The following ABCC4 variants were observed in gnomAD, a reference collection of about 807,000 sequenced individuals.
ABCC4 encodes ATP binding cassette subfamily C member 4 (PEL blood group).
Under a neutral mutation model 168.5 loss-of-function variants are expected in ABCC4, and 102 were observed. That is an observed-to-expected ratio of 0.61 (90% CI 0.52 to 0.71). The LOEUF is 0.71. Among genes scored for constraint, ABCC4 ranks in the 30% least tolerant of loss-of-function variants. The pLI is 0.00. For synonymous variants in ABCC4, 617 were observed against 590.7 expected (o/e 1.04, Z -0.65); for missense variants, 1,402 against 1,605.8 (o/e 0.87, Z 2.17).
chr13:95,112,027 A>C (rs1448262371), intron 20 of ABCC4, among the ~76,000 whole-genome samples: 1 of 152,168 alleles, frequency 6.6e-6, no homozygotes, highest in Non-Finnish European at 1.5e-5. Flanking sequence ...TCATACAGAA[A>C]ACGTAATCAA....
intron 26 of ABCC4, among the ~76,000 whole-genome samples, chr13:95,062,045 C>A (rs1202233963): frequency 2.6e-5 from 4 of 152,132 alleles, no homozygotes; most frequent in Non-Finnish European, 5.9e-5. Flanking sequence ...TAACCCTCCA[C>A]CATCAGAGCA....
At position 95,209,495 on chromosome 13, in the gene ABCC4, C is replaced by T. The variant is rs753239834; in HGVS notation, c.724G>A (p.Ala242Thr). 4 of 1,614,210 alleles carry T rather than the reference C, an allele frequency of 2.5e-6. No homozygotes were observed. In the East Asian group the frequency reaches 8.9e-5, roughly 36 times the overall value. ...AAGGGCAGGAGAATGATTAGAACTG[C>T]CATCCCAGCAAGGCACGATATTCCT... ...EIGISCLAGM[A>T]VLIILLPLQS... The change falls in exon 6 of 31, where the codon GCA (alanine) becomes ACA (threonine). Residue 242 changes from alanine (A) to threonine (T), a missense_variant. Around this residue, in one of 3 missense-constraint regions of ABCC4, gnomAD observed 317 missense variants for 345.5 expected, o/e 0.92. Transcript: ENST00000645237.
chr13:95,038,588 G>T (rs2032225946), intron 29 of ABCC4, among the ~76,000 whole-genome samples: 1 of 152,068 alleles, frequency 6.6e-6, no homozygotes, highest in Non-Finnish European at 1.5e-5. Flanking sequence ...AGGGGTGGGA[G>T]GACCGTGGTC....
intron 19 of ABCC4, among the ~76,000 whole-genome samples, chr13:95,134,858 C>T (rs1024036480): frequency 1.3e-5 from 2 of 152,008 alleles, no homozygotes; most frequent in Admixed American, 6.6e-5. Flanking sequence ...CACCAAGCAG[C>T]GATGACACCC....
At chr13:95,096,204 T>G (rs1594086948) in intron 20 of ABCC4, 3 of 629,460 alleles carry the variant, frequency 4.8e-6, no homozygotes, top group East Asian at 3.0e-5. Flanking sequence ...AAAAAACATA[T>G]TCAATGGGCT....
chr13:95,096,689 C>T (rs933218615), intron 20 of ABCC4, among the ~76,000 whole-genome samples: 21 of 151,994 alleles, frequency 1.4e-4, no homozygotes, highest in Admixed American at 6.6e-5. Flanking sequence ...AGAAAACTGT[C>T]AACCTAGAAT....
chr13:95,021,811 A>G (rs928182912), intron 30 of ABCC4, 129 bp from the exon 31 acceptor site: 16 of 670,676 alleles, frequency 2.4e-5, no homozygotes, highest in African/African-American at 9.1e-5. Flanking sequence ...GCACAATTTA[A>G]GAACAGGGAT....
chr13:95,085,085 A>G (rs1159915177), intron 20 of ABCC4, among the ~76,000 whole-genome samples: 2 of 152,226 alleles, frequency 1.3e-5, no homozygotes, highest in Admixed American at 1.3e-4. Context: ...TGAGGCCTCC[A>G]AAGTTCACTG....
intron 4 of ABCC4, among the ~76,000 whole-genome samples, chr13:95,233,742 T>C (rs1482164824): frequency 1.3e-5 from 2 of 152,216 alleles, no homozygotes; most frequent in African/African-American, 4.8e-5. Context: ...TGCCACTTTA[T>C]ATCAAGGACT....
intron 1 of ABCC4, among the ~76,000 whole-genome samples, chr13:95,270,139 T>C (rs7338478): frequency 0.012 from 1,892 of 152,216 alleles, 33 homozygotes; most frequent in African/African-American, 0.042. Context: ...TTGATAGGCA[T>C]TAGGTTTTCT....
chr13:95,204,125 G>A (rs1294741454), intron 8 of ABCC4, among the ~76,000 whole-genome samples: 1 of 152,142 alleles, frequency 6.6e-6, no homozygotes, highest in East Asian at 1.9e-4. Context: ...GGACACCCCA[G>A]CCACACAGAG....
At chr13:95,079,458 G>A (rs1048986244) in intron 21 of ABCC4, among the ~76,000 whole-genome samples, 1 of 152,182 alleles carries the variant, frequency 6.6e-6, no homozygotes, top group African/African-American at 2.4e-5. Flanking sequence ...GTTCCCGTAT[G>A]TTCAAGGTTT....
At chr13:95,267,122 T>A (rs2040703667) in intron 1 of ABCC4, among the ~76,000 whole-genome samples, 1 of 152,092 alleles carries the variant, frequency 6.6e-6, no homozygotes, top group Admixed American at 6.6e-5. Context: ...CCTCAAGTGA[T>A]CCACCCACCT....
At chr13:95,284,905 G>GC (rs113039840) in intron 1 of ABCC4, among the ~76,000 whole-genome samples, 14,423 of 152,106 alleles carry the variant, frequency 0.095, 806 homozygotes, top group African/African-American at 0.14. Flanking sequence ...ACTTAGAATA[G>GC]CCCCCCTGCC....
chr13:95,041,416 C>T (rs1405324185), intron 29 of ABCC4, among the ~76,000 whole-genome samples: 3 of 152,154 alleles, frequency 2.0e-5, no homozygotes, highest in Non-Finnish European at 4.4e-5. Flanking sequence ...TATATCTATC[C>T]GTCTTTGTGG....
intron 25 of ABCC4, among the ~76,000 whole-genome samples, chr13:95,069,631 C>T (rs1176706235): frequency 6.6e-6 from 1 of 152,128 alleles, no homozygotes; most frequent in Non-Finnish European, 1.5e-5. Flanking sequence ...CCTACCCCTG[C>T]CGCCCACCAT....
chr13:95,174,615 A>G (rs1751003), intron 13 of ABCC4, among the ~76,000 whole-genome samples: 131,038 of 152,246 alleles, frequency 0.86, 56,574 homozygotes, highest in African/African-American at 0.88. Flanking sequence ...TGAAAATCTG[A>G]GGGAGCTTGT....
In ABCC4 at chr13:95,207,991, A is replaced by C. The variant is rs940074337; in HGVS notation, c.786-66T>G. The stretch of plus-strand genomic sequence containing the variant: ...CAGCCTGCCCTTATCAGCGGCAGGC[A>C]CAGGCAGGGACCTGCATCACATGGT... On this transcript the variant is annotated intron_variant, in intron 6 of 30. Coordinates refer to ENST00000645237, the MANE Select transcript of ABCC4 (RefSeq NM_005845.5). 3.0e-5 allele frequency: 47 copies of C among 1,557,326 alleles called. No individual in the cohort carries two copies. The Admixed American group carries it at 9.6e-4, about 32-fold the overall frequency.
Position 95,044,438 on chromosome 13 carries a change from C to T in ABCC4, c.3457G>A (p.Val1153Ile), listed in dbSNP as rs752590278. ...DEELWNALQE[V>I]QLKETIEDLP... ...TCTTCAATGGTTTCTTTAAGTTGTACCTGTAGATGTACAAAGAAGAATGAC... is the reference window on the plus strand; with the variant it reads ...TCTTCAATGGTTTCTTTAAGTTGTATCTGTAGATGTACAAAGAAGAATGAC... Residue 1153 changes from valine to isoleucine, a missense_variant and splice_region_variant, in exon 28 of 31, where the codon GTA (valine) becomes ATA (isoleucine). By Grantham distance (29) the Val-to-Ile change is conservative. This residue lies in a region of ABCC4 where 1,007 missense variants were observed against 1,127.3 expected (regional missense o/e 0.89). Coordinates refer to ENST00000645237, the MANE Select transcript of ABCC4 (RefSeq NM_005845.5). 1.2e-6 allele frequency: 2 copies of T among 1,606,258 alleles called. No individual in the cohort carries two copies. Among genetic ancestry groups the T allele is most frequent in the African/African-American group, 1.3e-5 (1 of 74,588 alleles).
Sources: gnomAD v4.1 joint callset for allele counts (sites outside exome capture counted in the v4.1 genomes callset) on GRCh38, gnomAD v4.1.1 for gene constraint, gnomAD v4.1.1 regional missense constraint, MANE v1.5 for transcripts, NCBI Gene and HGNC (gene_info 2026-07-23, HGNC 2026-07-21) for gene names.